The following HS6ST3 variants were observed in gnomAD, a reference collection of about 807,000 sequenced individuals.
The protein encoded by HS6ST3 is heparan sulfate 6-O-sulfotransferase 3.
HS6ST3 carries 12 observed loss-of-function variants against 36.7 expected under a neutral mutation model. The ratio of observed to expected loss-of-function variants is 0.33; its 90% CI spans 0.21 to 0.53. HS6ST3 has a LOEUF of 0.53. Among genes scored for constraint, HS6ST3 ranks in the 20% least tolerant of loss-of-function variants. HS6ST3 has a pLI of 0.95. For missense variants in HS6ST3, 584 were observed against 640.9 expected, an observed-to-expected ratio of 0.91 and a Z score of 0.96; for synonymous variants, 240 against 257.5, an observed-to-expected ratio of 0.93 and a Z score of 0.65.
chr13:96,252,565 T>G (rs2054612413), intron 1 of HS6ST3, among the ~76,000 whole-genome samples: 1 of 152,180 alleles, frequency 6.6e-6, no homozygotes, highest in Admixed American at 6.5e-5. Context: ...GTGTTCTGGT[T>G]TCTCCCAATC....
At chr13:96,812,939 G>A (rs549230453) in intron 1 of HS6ST3, among the ~76,000 whole-genome samples, 6 of 152,260 alleles carry the variant, frequency 3.9e-5, no homozygotes, top group Non-Finnish European at 7.4e-5. Context: ...AGGATTATCA[G>A]CTTCCTATCA....
chr13:96,350,167 A>G (rs566829150), intron 1 of HS6ST3, among the ~76,000 whole-genome samples: 23 of 152,228 alleles, frequency 1.5e-4, no homozygotes, highest in Non-Finnish European at 1.5e-5. Flanking sequence ...CTGTAGCTAC[A>G]TTAAGCCAGG....
intron 1 of HS6ST3, among the ~76,000 whole-genome samples, chr13:96,510,949 T>C (rs2056047299): frequency 6.6e-6 from 1 of 152,160 alleles, no homozygotes; most frequent in Non-Finnish European, 1.5e-5. Context: ...TTATTTATGT[T>C]TCTGCATGTA....
chr13:96,610,863 A>C (rs1002111390), intron 1 of HS6ST3, among the ~76,000 whole-genome samples: 1 of 151,476 alleles, frequency 6.6e-6, no homozygotes, highest in Non-Finnish European at 1.5e-5. Flanking sequence ...GAAAAAAAAA[A>C]ACAAAAAACA....
chr13:96,630,950 A>G (rs1460482129), intron 1 of HS6ST3, among the ~76,000 whole-genome samples: 2 of 152,098 alleles, frequency 1.3e-5, no homozygotes, highest in Admixed American at 6.5e-5. Context: ...ATTACAAATT[A>G]TTTTGAGTCT....
At chr13:96,787,022 C>T (rs1227971968) in intron 1 of HS6ST3, among the ~76,000 whole-genome samples, 1 of 152,014 alleles carries the variant, frequency 6.6e-6, no homozygotes, top group Non-Finnish European at 1.5e-5. Context: ...AGCATATTTC[C>T]CTTGAGGTCC....
intron 1 of HS6ST3, among the ~76,000 whole-genome samples, chr13:96,296,015 A>G (rs187581630): frequency 6.6e-6 from 1 of 152,288 alleles, no homozygotes; most frequent in Admixed American, 6.5e-5. Flanking sequence ...CTGGGCCCTC[A>G]GTACAGGAGC....
chr13:96,246,230 T>C (rs1328521945), intron 1 of HS6ST3, among the ~76,000 whole-genome samples: 2 of 152,150 alleles, frequency 1.3e-5, no homozygotes, highest in Non-Finnish European at 2.9e-5. Context: ...ATCCATAGCA[T>C]GAAGACACAC....
At chr13:96,173,132 T>C (rs1207367868) in intron 1 of HS6ST3, among the ~76,000 whole-genome samples, 2 of 152,160 alleles carry the variant, frequency 1.3e-5, no homozygotes, top group African/African-American at 2.4e-5. Context: ...CTGATAGATA[T>C]ATGTGCTGTG....
At chr13:96,310,137 T>C (rs1646472368) in intron 1 of HS6ST3, among the ~76,000 whole-genome samples, 1 of 152,186 alleles carries the variant, frequency 6.6e-6, no homozygotes, top group African/African-American at 2.4e-5. Context: ...ATAGTGAGTA[T>C]TGCTCAAAAA....
At chr13:96,141,354 TC>T (rs547213608) in intron 1 of HS6ST3, among the ~76,000 whole-genome samples, 3,066 of 151,800 alleles carry the variant, frequency 0.02, 85 homozygotes, top group African/African-American at 0.067. Context: ...ACTTTTTTTT[TC>T]TCTTTTAAGA....
chr13:96,677,700 C>T (rs532796105), intron 1 of HS6ST3, among the ~76,000 whole-genome samples: 4 of 152,170 alleles, frequency 2.6e-5, no homozygotes, highest in African/African-American at 7.2e-5. Context: ...GTACCCATGT[C>T]GCTCTGCACT....
intron 1 of HS6ST3, among the ~76,000 whole-genome samples, chr13:96,213,529 T>G (rs1413808949): frequency 2.2e-5 from 1 of 46,292 alleles, no homozygotes; most frequent in Non-Finnish European, 5.8e-5. Context: ...GTAGGACAAT[T>G]TTTTTTTTTT....
intron 1 of HS6ST3, among the ~76,000 whole-genome samples, chr13:96,506,252 A>T (rs2056026043): frequency 6.6e-6 from 1 of 152,106 alleles, no homozygotes; most frequent in South Asian, 2.1e-4. Context: ...CACTACTTTT[A>T]ATTATTTTTC....
At chr13:96,784,542 G>A (rs922470781) in intron 1 of HS6ST3, among the ~76,000 whole-genome samples, 1 of 152,110 alleles carries the variant, frequency 6.6e-6, no homozygotes, top group Non-Finnish European at 1.5e-5. Context: ...CAGATAAAAT[G>A]AGTTGGATTT....
intron 1 of HS6ST3, among the ~76,000 whole-genome samples, chr13:96,698,902 A>T (rs1875204721): frequency 6.6e-6 from 1 of 152,216 alleles, no homozygotes; most frequent in South Asian, 2.1e-4. Context: ...CGAAACAGAG[A>T]TATAGACCAA....
chr13:96,664,621 C>G (rs993615084), intron 1 of HS6ST3, among the ~76,000 whole-genome samples: 3 of 152,164 alleles, frequency 2.0e-5, no homozygotes, highest in Admixed American at 2.0e-4. Context: ...AATTTCAACT[C>G]CTACTTTACA....
chr13:96,836,449 GA>G lies in HS6ST3; in HGVS notation c.*3253del, dbSNP rs1878930384. On this transcript the variant is annotated 3_prime_UTR_variant, in exon 2 of 2. Transcript: ENST00000376705. ...GAGGAAACTGCCCTGAGAATTATTA[GA>G]ATGCTAATAATAGTAATTGGTAACA... 6.6e-6 allele frequency: 1 copy of G among 152,140 alleles called. No individual in the cohort carries two copies. Among genetic ancestry groups the G allele is most frequent in the Non-Finnish European group, 1.5e-5 (1 of 68,014 alleles). The allele number at this position is 152,140 out of a possible 1,614,324, so 9.4% of individuals were successfully genotyped here. A position where few individuals can be genotyped will look rare whatever the true frequency, so the allele number is the denominator to read the frequency against.
intron 1 of HS6ST3, among the ~76,000 whole-genome samples, chr13:96,687,016 C>T (rs2138441774): frequency 6.6e-6 from 1 of 151,858 alleles, no homozygotes; most frequent in South Asian, 2.1e-4. Flanking sequence ...TCTTTTTCCT[C>T]AGGGCCTCTT....
Sources: gnomAD v4.1 joint callset for allele counts (sites outside exome capture counted in the v4.1 genomes callset) on GRCh38, gnomAD v4.1.1 for gene constraint, MANE v1.5 for transcripts, NCBI Gene and HGNC (gene_info 2026-07-23, HGNC 2026-07-21) for gene names.